The following FYN variants were observed in gnomAD, a reference collection of about 807,000 sequenced individuals.
The protein encoded by FYN is tyrosine-protein kinase Fyn.
FYN carries 10 observed loss-of-function variants against 70.2 expected under a neutral mutation model. The ratio of observed to expected loss-of-function variants is 0.14; its 90% confidence interval spans 0.09 to 0.24. The LOEUF (loss-of-function observed/expected upper bound fraction) is 0.24, where lower values mean the gene tolerates loss of function less well. Ranked by LOEUF, FYN falls within the 10% of genes least tolerant of loss-of-function variation. FYN has a pLI of 1.00. For missense variants in FYN, 319 were observed against 673.1 expected (o/e 0.47, Z 5.82); for synonymous variants, 236 against 248.6 (o/e 0.95, Z 0.48).
chr6:111,854,618 C>T (rs75606363), intron 1 of FYN, among the ~76,000 whole-genome samples: 1,570 of 152,316 alleles, frequency 0.01, 27 homozygotes, highest in African/African-American at 0.035. Context: ...TGTCTGAATG[C>T]TCTCATTTCA....
At chr6:111,727,385 G>A (rs1158476682) in intron 3 of FYN, among the ~76,000 whole-genome samples, 2 of 152,122 alleles carry the variant, frequency 1.3e-5, no homozygotes, top group African/African-American at 4.8e-5. Flanking sequence ...CTTAAAATAT[G>A]ATTTGCTTTA....
At chr6:111,764,033 CAACAA>C (rs1332988251) in intron 3 of FYN, among the ~76,000 whole-genome samples, 3 of 151,846 alleles carry the variant, frequency 2.0e-5, no homozygotes, top group African/African-American at 7.3e-5. Flanking sequence ...AAAATAATGA[CAACAA>C]TTATCCAGCT....
At chr6:111,664,470 T>G (rs1316236232) in intron 13 of FYN, among the ~76,000 whole-genome samples, 1 of 152,162 alleles carries the variant, frequency 6.6e-6, no homozygotes, top group East Asian at 1.9e-4. Flanking sequence ...TGGAAAGATT[T>G]CACTTAAAAA....
intron 12 of FYN, among the ~76,000 whole-genome samples, chr6:111,677,695 C>A (rs1391745187): frequency 6.6e-6 from 1 of 152,158 alleles, no homozygotes; most frequent in Non-Finnish European, 1.5e-5. Flanking sequence ...GTAAACGTTG[C>A]CTTTCCCTTG....
At chr6:111,742,907 C>T (rs368659911) in intron 3 of FYN, among the ~76,000 whole-genome samples, 2 of 151,884 alleles carry the variant, frequency 1.3e-5, no homozygotes, top group East Asian at 1.9e-4. Context: ...TGGTCACACA[C>T]GACCACAAGT....
At chr6:111,698,373 T>TC (rs1311154560) in intron 9 of FYN, among the ~76,000 whole-genome samples, 2 of 152,188 alleles carry the variant, frequency 1.3e-5, no homozygotes, top group Non-Finnish European at 2.9e-5. Context: ...CCTCAGGTGA[T>TC]CTGCCTGCCT....
intron 2 of FYN, among the ~76,000 whole-genome samples, chr6:111,808,759 G>C (rs1024541293): frequency 6.6e-6 from 1 of 152,172 alleles, no homozygotes; most frequent in Non-Finnish European, 1.5e-5. Context: ...AGCAGCTAAA[G>C]GCTGTGCCAC....
intron 2 of FYN, among the ~76,000 whole-genome samples, chr6:111,810,956 C>T (rs1046926874): frequency 2.6e-5 from 4 of 152,338 alleles, no homozygotes; most frequent in Non-Finnish European, 4.4e-5. Flanking sequence ...CCGTTGTTCT[C>T]CATTCACTAT....
chr6:111,745,411 G>A (rs1309122702), intron 3 of FYN, among the ~76,000 whole-genome samples: 1 of 152,164 alleles, frequency 6.6e-6, no homozygotes, highest in Non-Finnish European at 1.5e-5. Flanking sequence ...CATCTGAGTG[G>A]GGCCTGTGGG....
At position 111,850,331 on chromosome 6, in the gene FYN, G is replaced by C. The variant is rs896189622; in HGVS notation, c.-122-3702C>G. 3.9e-5 allele frequency among the ~76,000 whole-genome samples: 6 copies of C among 152,304 alleles called. 1 individual carries two copies. In the South Asian group the frequency reaches 1.2e-3, roughly 32 times the overall value. ...TCAACTCTTTTTACTACTTGCAAAA[G>C]ATTTAAAATATTCACTGACCTGCCA... is the stretch of plus-strand genomic sequence containing the variant. On this transcript the variant is annotated intron_variant, in intron 1 of 13. Coordinates refer to ENST00000354650, the MANE Select transcript of FYN (RefSeq NM_002037.5).
intron 3 of FYN, among the ~76,000 whole-genome samples, chr6:111,749,228 C>A (rs1802380663): frequency 6.6e-6 from 1 of 152,170 alleles, no homozygotes; most frequent in Non-Finnish European, 1.5e-5. Flanking sequence ...AATATTTGCT[C>A]AATATTCATA....
chr6:111,699,911 A>ATAT (rs1799753109), intron 9 of FYN, 193 bp downstream of exon 9: 2 of 500,106 alleles, frequency 4.0e-6, no homozygotes, highest in Non-Finnish European at 6.4e-6. Context: ...CCCACTTACT[A>ATAT]TCTTTTTTTT....
chr6:111,755,930 T>G (rs1802712987), intron 3 of FYN, among the ~76,000 whole-genome samples: 1 of 152,008 alleles, frequency 6.6e-6, no homozygotes. Flanking sequence ...GGACTGAGAA[T>G]TAATGAACAA....
chr6:111,864,039 G>A (rs1430539415), intron 1 of FYN, among the ~76,000 whole-genome samples: 1 of 152,166 alleles, frequency 6.6e-6, no homozygotes, highest in Non-Finnish European at 1.5e-5. Flanking sequence ...ATCCAAATGA[G>A]GCCTGGGGAT....
At chr6:111,762,856 T>C (rs1233930908) in intron 3 of FYN, among the ~76,000 whole-genome samples, 1 of 152,016 alleles carries the variant, frequency 6.6e-6, no homozygotes, top group Middle Eastern at 3.2e-3. Flanking sequence ...CACAGGTAAC[T>C]AAAAAAGTCC....
chr6:111,741,192 C>A (rs1801946201), intron 3 of FYN: 1 of 151,832 alleles, frequency 6.6e-6, no homozygotes, highest in African/African-American at 2.4e-5. Context: ...GTTTTATTTG[C>A]TTCATGGCAT....
chr6:111,741,082 C>CA lies in FYN; in HGVS notation c.-11-21021dup, dbSNP rs541937167. 2.0e-5 allele frequency: 3 copies of CA among 147,194 alleles called. No individual in the cohort carries two copies. The South Asian group carries it at 6.4e-4, about 32-fold the overall frequency. The allele number at this position is 147,194 out of a possible 1,614,324, so 9.1% of individuals were successfully genotyped here. The stretch of plus-strand genomic sequence containing the variant: ...GCCATGATCGTGTCAGCCTGGGTGA[C>CA]AGAGTGAGACCCTGTCTCAAAAAAA... On this transcript the variant is annotated intron_variant, in intron 3 of 13. Transcript: ENST00000354650.
In FYN at chr6:111,765,937, G is replaced by GTT. The variant is rs547341388; in HGVS notation, c.-12+14628_-12+14629insAA. ...CACATTTGAAGTGAAAGAGTTAGAT[G>GTT]TGTTAAAGAGGTGGGTTGGACAGAC... On this transcript the variant is annotated intron_variant, in intron 3 of 13. Transcript: ENST00000354650. Among the ~76,000 whole-genome samples, 291 of 152,292 alleles carry GTT rather than the reference G, an allele frequency of 1.9e-3. 2 individuals are homozygous for GTT. In the Middle Eastern group the frequency reaches 0.02, roughly 11 times the overall value.
At chr6:111,664,204 A>G (rs1797894827) in intron 13 of FYN, among the ~76,000 whole-genome samples, 1 of 152,168 alleles carries the variant, frequency 6.6e-6, no homozygotes, top group Admixed American at 6.5e-5. Context: ...GCAATGACAG[A>G]GCTTGGACCA....
Sources: gnomAD v4.1 joint callset for allele counts (sites outside exome capture counted in the v4.1 genomes callset) on GRCh38, gnomAD v4.1.1 for gene constraint, MANE v1.5 for transcripts, NCBI Gene and HGNC (gene_info 2026-07-23, HGNC 2026-07-21) for gene names.